Variants in METTL15 observed in about 807,000 individuals in gnomAD.
The protein encoded by METTL15 is 12S rRNA N(4)-cytidine methyltransferase METTL15.
METTL15 carries 34 observed loss-of-function variants against 38.3 expected under a neutral mutation model. That is an observed-to-expected ratio of 0.89 (90% CI 0.68 to 1.18). The LOEUF is 1.18. Among genes scored for constraint, METTL15 ranks in the 50% most tolerant of loss-of-function variants. The pLI, the probability that METTL15 is intolerant of heterozygous loss-of-function variation, is 0.00. For synonymous variants in METTL15, 162 were observed against 170.9 expected, an observed-to-expected ratio of 0.95 and a Z score of 0.41; for missense variants, 438 against 498.4, an observed-to-expected ratio of 0.88 and a Z score of 1.15.
chr11:28,451,252 A>T (rs1851117887), intron 6 of METTL15, among the ~76,000 whole-genome samples: 1 of 152,060 alleles, frequency 6.6e-6, no homozygotes, highest in Admixed American at 6.5e-5. Flanking sequence ...CATCAATTGG[A>T]GATTAACAGG....
At chr11:28,186,333 A>G (rs1229867076) in intron 3 of METTL15, among the ~76,000 whole-genome samples, 1 of 151,316 alleles carries the variant, frequency 6.6e-6, no homozygotes. Flanking sequence ...TTTGTGTATT[A>G]TCAATATTTG....
intron 3 of METTL15, among the ~76,000 whole-genome samples, chr11:28,340,299 G>A (rs989643803): frequency 6.6e-6 from 1 of 151,948 alleles, no homozygotes; most frequent in Non-Finnish European, 1.5e-5. Context: ...TGATATGCTT[G>A]TATTAAAAAA....
chr11:28,389,051 C>T (rs567816172), intron 5 of METTL15, among the ~76,000 whole-genome samples: 3 of 151,844 alleles, frequency 2.0e-5, no homozygotes, highest in East Asian at 2.0e-4. Context: ...ATGGGGTATA[C>T]GTGCCACATT....
chr11:28,475,695 T>G (rs1226662349), intron 6 of METTL15, among the ~76,000 whole-genome samples: 1 of 152,218 alleles, frequency 6.6e-6, no homozygotes, highest in Non-Finnish European at 1.5e-5. Context: ...GTTGAGATTT[T>G]CTTCTACTTA....
At chr11:28,357,777 C>T (rs1850441063) in intron 4 of METTL15, among the ~76,000 whole-genome samples, 2 of 152,114 alleles carry the variant, frequency 1.3e-5, no homozygotes, top group Admixed American at 1.3e-4. Flanking sequence ...ATCTAGTGCA[C>T]AGAAATCTTC....
In METTL15 at chr11:28,128,655, G is replaced by A. The variant is rs529284091; in HGVS notation, c.270+15051G>A. Among the ~76,000 whole-genome samples the A allele has an allele frequency of 1.4e-4, 21 of 152,148 alleles. No individual in the cohort carries two copies. The South Asian group carries it at 1.5e-3, about 11-fold the overall frequency. The stretch of plus-strand genomic sequence containing the variant: ...TTTGCGTAAAAGTTGAAAAGTGAGC[G>A]GAAACTATGCAATCACTCTTTTTCC... On this transcript the variant is annotated intron_variant, in intron 3 of 6. Coordinates refer to ENST00000407364, the MANE Select transcript of METTL15 (RefSeq NM_001113528.2).
At chr11:28,277,042 CATAA>C (rs1351857819) in intron 4 of METTL15, among the ~76,000 whole-genome samples, 4 of 152,048 alleles carry the variant, frequency 2.6e-5, no homozygotes, top group Admixed American at 6.6e-5. Context: ...CAAACCCAAA[CATAA>C]ATAAATGGGA....
intron 5 of METTL15, among the ~76,000 whole-genome samples, chr11:28,388,252 G>T (rs1564915956): frequency 1.3e-5 from 2 of 151,914 alleles, no homozygotes; most frequent in Non-Finnish European, 2.9e-5. Context: ...TATACAAGTA[G>T]AAAAAACAAG....
chr11:28,132,154 A>G (rs1331695363), intron 3 of METTL15, among the ~76,000 whole-genome samples: 3 of 152,198 alleles, frequency 2.0e-5, no homozygotes, highest in African/African-American at 4.8e-5. Context: ...TATGATTAGC[A>G]TTAATTGTTA....
intron 4 of METTL15, among the ~76,000 whole-genome samples, chr11:28,231,100 A>G (rs1853666147): frequency 6.6e-6 from 1 of 151,924 alleles, no homozygotes; most frequent in South Asian, 2.1e-4. Flanking sequence ...ATTTAATTCA[A>G]TTCCAGACAC....
At chr11:28,302,662 G>A (rs965297999) in intron 6 of METTL15, among the ~76,000 whole-genome samples, 4 of 152,156 alleles carry the variant, frequency 2.6e-5, no homozygotes, top group Non-Finnish European at 5.9e-5. Flanking sequence ...TCTTTCTTTT[G>A]TAAATTGGTC....
intron 4 of METTL15, chr11:28,261,488 A>T: frequency 6.5e-6 from 1 of 154,954 alleles, no homozygotes. Context: ...CAATGGGTTG[A>T]CATGTTGCAG....
chr11:28,164,876 G>A lies in METTL15; in HGVS notation c.271-46186G>A, dbSNP rs556627317. On this transcript the variant is annotated intron_variant, in intron 3 of 6. Coordinates refer to ENST00000407364, the MANE Select transcript of METTL15 (RefSeq NM_001113528.2). ...TTTCTTCCCTCCTCCCCAGGCCTCT[G>A]GTAACCACTGTTCTACTCTCTAACT... Among the ~76,000 whole-genome samples the A allele has an allele frequency of 7.2e-5, 11 of 151,922 alleles. No individual in the cohort carries two copies. In the South Asian group the frequency reaches 2.3e-3, roughly 32 times the overall value.
chr11:28,296,985 G>A (rs964159150), intron 6 of METTL15, 54 bp downstream of exon 6: 3 of 1,579,396 alleles, frequency 1.9e-6, no homozygotes, highest in Non-Finnish European at 2.6e-6. Flanking sequence ...ATTTACATGT[G>A]TGCATGTGTT....
At chr11:28,325,438 A>G (rs560058838) in intron 6 of METTL15, among the ~76,000 whole-genome samples, 1 of 152,294 alleles carries the variant, frequency 6.6e-6, no homozygotes, top group Non-Finnish European at 1.5e-5. Context: ...TTTATACATA[A>G]GTTTTGGGCA....
chr11:28,379,508 G>T (rs954733588), intron 5 of METTL15, among the ~76,000 whole-genome samples: 2 of 152,138 alleles, frequency 1.3e-5, no homozygotes, highest in East Asian at 1.9e-4. Context: ...TCATGTGTTT[G>T]TGTAGTTTCC....
chr11:28,112,979 C>T (rs1262452057), intron 2 of METTL15, among the ~76,000 whole-genome samples: 1 of 151,974 alleles, frequency 6.6e-6, no homozygotes, highest in African/African-American at 2.4e-5. Context: ...TACTTTTTAG[C>T]CTTAATTAAA....
intron 4 of METTL15, among the ~76,000 whole-genome samples, chr11:28,271,657 A>G (rs1000958331): frequency 3.3e-5 from 5 of 152,196 alleles, no homozygotes; most frequent in African/African-American, 7.2e-5. Context: ...ATGCCATTCT[A>G]TCCTTTTAAA....
At chr11:28,518,618 A>C (rs1851738890) in intron 6 of METTL15, among the ~76,000 whole-genome samples, 1 of 152,216 alleles carries the variant, frequency 6.6e-6, no homozygotes, top group Non-Finnish European at 1.5e-5. Context: ...TGTCATCCTC[A>C]TACTGGTGGT....
Sources: allele counts gnomAD v4.1 joint callset (sites outside exome capture counted in the v4.1 genomes callset), GRCh38; gene constraint gnomAD v4.1.1; transcripts MANE v1.5; gene names NCBI Gene and HGNC (gene_info 2026-07-23, HGNC 2026-07-21).